The following SCGB2A2 variants were observed in gnomAD, a reference collection of about 807,000 sequenced individuals.
SCGB2A2 encodes the protein mammaglobin-A.
SCGB2A2 carries 11 observed loss-of-function variants against 8.8 expected under a neutral mutation model. That is an observed-to-expected ratio of 1.25 (90% CI 0.79 to 2.07). The LOEUF (loss-of-function observed/expected upper bound fraction) is 2.07. Ranked by LOEUF, SCGB2A2 falls within the 30% of genes most tolerant of loss-of-function variation. SCGB2A2 has a pLI of 0.00. For synonymous variants in SCGB2A2, 42 were observed against 40.9 expected, an observed-to-expected ratio of 1.03 and a Z score of -0.10; for missense variants, 113 against 109.9, an observed-to-expected ratio of 1.03 and a Z score of -0.13.
intron 2 of SCGB2A2, chr11:62,272,107 T>G: frequency 2.2e-6 from 1 of 457,060 alleles, no homozygotes; most frequent in Non-Finnish European, 2.8e-6. Context: ...AAAGTGAACA[T>G]CACCTCAGGA....
At chr11:62,271,317 C>T (rs1182751342) in intron 2 of SCGB2A2, 61 of 1,442,492 alleles carry the variant, frequency 4.2e-5, no homozygotes, top group Non-Finnish European at 4.9e-5. Context: ...AAGGAAAGGT[C>T]GGTAGAAGTC....
In SCGB2A2 at chr11:62,272,042, T is replaced by TAA. The variant is rs71053028; in HGVS notation, c.244-895_244-894dup. Reference sequence around the variant, plus strand: ...AAATTCTTCTTTAATCCTTCCCTGGTAAAAAAAAAAAAAAAAAAAAAGTTA... The same window carrying TAA: ...AAATTCTTCTTTAATCCTTCCCTGGTAAAAAAAAAAAAAAAAAAAAAAAGTTA... On this transcript the variant is annotated intron_variant, in intron 2 of 2. Transcript: ENST00000227918. The TAA allele has an allele frequency of 2.6e-3, 548 of 214,842 alleles. 1 individual carries two copies. The highest frequency in any genetic ancestry group is 9.6e-3 in the Middle Eastern group (4 of 418). 13.3% of individuals were successfully genotyped at this position (214,842 alleles called of 1,614,324 possible).
chr11:62,270,950 A>G lies in SCGB2A2; in HGVS notation c.125A>G (p.Tyr42Cys). The G allele has an allele frequency of 1.2e-6, 2 of 1,614,158 alleles. No individual in the cohort carries two copies. Among genetic ancestry groups the G allele is most frequent in the Non-Finnish European group, 1.7e-6 (2 of 1,179,968 alleles). The change falls in exon 2 of 3, where the codon TAC becomes TGC. Residue 42 changes from tyrosine to cysteine, a missense_variant. Tyr to Cys is a radical substitution (Grantham distance 194). Transcript: ENST00000227918. ...AATCCACAAGTGTCTAAGACTGAAT[A>G]CAAAGAACTTCTTCAAGAGTTCATA... is the stretch of plus-strand genomic sequence containing the variant. ...TINPQVSKTE[Y>C]KELLQEFIDD...
At chr11:62,272,716 G>A (rs1454801761) in intron 2 of SCGB2A2, among the ~76,000 whole-genome samples, 1 of 134,548 alleles carries the variant, frequency 7.4e-6, no homozygotes, top group African/African-American at 2.8e-5. Flanking sequence ...AGGTAATATA[G>A]TCACGTATTT....
Position 62,272,474 on chromosome 11 carries a change from A to G in SCGB2A2, c.244-483A>G, listed in dbSNP as rs114834105. Reference sequence around the variant, plus strand: ...ATTAATAATTTGTTAAAAACTAATTATCAACTGCAGGGAAGGGTGATGGAT... The same window carrying G: ...ATTAATAATTTGTTAAAAACTAATTGTCAACTGCAGGGAAGGGTGATGGAT... On this transcript the variant is annotated intron_variant, in intron 2 of 2. Transcript: ENST00000227918. 6.0e-3 allele frequency among the ~76,000 whole-genome samples: 915 copies of G among 152,274 alleles called. 5 individuals carry two copies. Among genetic ancestry groups the G allele is most frequent in the African/African-American group, 0.021 (875 of 41,538 alleles).
chr11:62,272,647 C>CTTT (rs71886885), intron 2 of SCGB2A2, among the ~76,000 whole-genome samples: 86 of 94,386 alleles, frequency 9.1e-4, no homozygotes, highest in Non-Finnish European at 1.2e-3. Context: ...CAAAGTTTCA[C>CTTT]TTTTTTTTTT....
intron 2 of SCGB2A2, 49 bp downstream of exon 2, chr11:62,271,117 C>T (rs1210600044): frequency 6.2e-7 from 1 of 1,612,508 alleles, no homozygotes; most frequent in Non-Finnish European, 8.5e-7. Context: ...TGACCAGGGA[C>T]AAGTGGGCTC....
chr11:62,270,329 T>C lies in SCGB2A2; in HGVS notation c.55+58T>C, dbSNP rs530658063. On this transcript the variant is annotated intron_variant, in intron 1 of 2. Coordinates refer to ENST00000227918, the MANE Select transcript of SCGB2A2 (RefSeq NM_002411.4). Reference sequence around the variant, plus strand: ...TTAGGGGTTGTCACTTGGGCCTCTATGGAAGAACTCCTGCTCCCCAATTCT... The same window carrying C: ...TTAGGGGTTGTCACTTGGGCCTCTACGGAAGAACTCCTGCTCCCCAATTCT... 8.8e-6 allele frequency: 13 copies of C among 1,480,368 alleles called. No homozygotes were observed. The Admixed American group carries it at 1.3e-4, about 15-fold the overall frequency. The allele number at this position is 1,480,368 out of a possible 1,614,324, so 91.7% of individuals were successfully genotyped here. A position where few individuals can be genotyped will look rare whatever the true frequency, so the allele number is the denominator to read the frequency against.
chr11:62,272,647 CTTTTTTTTT>C (rs71886885), intron 2 of SCGB2A2, among the ~76,000 whole-genome samples: 2 of 94,462 alleles, frequency 2.1e-5, no homozygotes, highest in Non-Finnish European at 4.1e-5. Flanking sequence ...CAAAGTTTCA[CTTTTTTTTT>C]TTTTTTTTTT....
chr11:62,271,420 C>T, intron 2 of SCGB2A2: 1 of 1,402,212 alleles, frequency 7.1e-7, no homozygotes, highest in Non-Finnish European at 9.2e-7. Flanking sequence ...CAGACACATG[C>T]AAACACACAG....
Position 62,270,195 on chromosome 11 carries a change from C to A in SCGB2A2, c.-22C>A, listed in dbSNP as rs1945265437. On this transcript the variant is annotated 5_prime_UTR_variant, in exon 1 of 3. Transcript: ENST00000227918. ...TTGATCCTTGCCACCCGCGACTGAA[C>A]ACCGACAGCAGCAGCCTCACCATGA... 1 of 1,613,524 alleles carries A rather than the reference C, an allele frequency of 6.2e-7. No individual in the cohort carries two copies. Among genetic ancestry groups the A allele is most frequent in the East Asian group, 2.2e-5 (1 of 44,874 alleles).
intron 2 of SCGB2A2, chr11:62,271,987 G>A: frequency 3.5e-6 from 3 of 867,904 alleles, no homozygotes; most frequent in Non-Finnish European, 4.1e-6. Flanking sequence ...ATATTGTTGA[G>A]GGTTTTCTTT....
chr11:62,270,897 A>G lies in SCGB2A2; in HGVS notation c.72A>G (p.Leu24=), dbSNP rs760287496. The change falls in exon 2 of 3, where the codon TTA becomes TTG. Residue 24 remains leucine (L), a synonymous_variant. Coordinates refer to ENST00000227918, the MANE Select transcript of SCGB2A2 (RefSeq NM_002411.4). The stretch of plus-strand genomic sequence containing the variant: ...CCTTCCCAGGCTCTGGCTGCCCCTT[A>G]TTGGAGAATGTGATTTCCAAGACAA... ...QHCYAGSGCP[L]LENVISKTIN... The G allele has an allele frequency of 2.1e-5, 34 of 1,613,762 alleles. No individual in the cohort carries two copies. Among genetic ancestry groups the G allele is most frequent in the Non-Finnish European group, 2.8e-5 (33 of 1,179,822 alleles).
At chr11:62,271,649 G>GA in intron 2 of SCGB2A2, 4 of 994,258 alleles carry the variant, frequency 4.0e-6, no homozygotes, top group East Asian at 2.2e-4. Flanking sequence ...ACTCTCTACA[G>GA]AAAAAACAAT....
At chr11:62,271,431 A>G in intron 2 of SCGB2A2, 5 of 1,389,470 alleles carry the variant, frequency 3.6e-6, no homozygotes, top group Non-Finnish European at 3.7e-6. Flanking sequence ...AAACACACAG[A>G]CACAGTCACA....
At chr11:62,270,698 G>T (rs1380223157) in intron 1 of SCGB2A2, among the ~76,000 whole-genome samples, 183 bp from the exon 2 acceptor site, 1 of 152,210 alleles carries the variant, frequency 6.6e-6, no homozygotes, top group Non-Finnish European at 1.5e-5. Flanking sequence ...GAAAGAAGTT[G>T]CAGGGCTTAC....
intron 2 of SCGB2A2, chr11:62,271,491 G>A: frequency 1.6e-6 from 2 of 1,243,380 alleles, no homozygotes; most frequent in Non-Finnish European, 2.0e-6. Context: ...AGACAGACAG[G>A]CAAAGACACA....
At chr11:62,270,572 A>G (rs753510987) in intron 1 of SCGB2A2, among the ~76,000 whole-genome samples, 1 of 152,226 alleles carries the variant, frequency 6.6e-6, no homozygotes, top group Non-Finnish European at 1.5e-5. Context: ...ATTTTGAACC[A>G]AAGAAGACCA....
intron 2 of SCGB2A2, chr11:62,272,042 T>TA (rs71053028): frequency 0.03 from 6,435 of 214,688 alleles, 93 homozygotes; most frequent in South Asian, 0.066. Flanking sequence ...CCTTCCCTGG[T>TA]AAAAAAAAAA....
Sources: gnomAD v4.1 joint callset for allele counts (sites outside exome capture counted in the v4.1 genomes callset) on GRCh38, gnomAD v4.1.1 for gene constraint, MANE v1.5 for transcripts, NCBI Gene and HGNC (gene_info 2026-07-23, HGNC 2026-07-21) for gene names.